The following MCTP2 variants were observed in gnomAD, a reference collection of about 807,000 sequenced individuals.
The protein encoded by MCTP2 is multiple C2 and transmembrane domain containing 2, also known as multiple C2 and transmembrane domain-containing protein 2.
MCTP2 carries 132 observed loss-of-function variants against 111.6 expected under a neutral mutation model. The observed-to-expected ratio is 1.18, with a 90% CI of 1.03 to 1.37. The LOEUF (loss-of-function observed/expected upper bound fraction) is 1.37, where lower values mean the gene tolerates loss of function less well. Ranked by LOEUF, MCTP2 falls within the 40% of genes most tolerant of loss-of-function variation. The pLI, the probability that MCTP2 is intolerant of heterozygous loss-of-function variation, is 0.00. For synonymous variants in MCTP2, 395 were observed against 387.7 expected (o/e 1.02, Z -0.22); for missense variants, 1,183 against 1,067.9 (o/e 1.11, Z -1.50).
At chr15:94,302,911 C>T (rs970725259) in intron 2 of MCTP2, among the ~76,000 whole-genome samples, 1 of 151,762 alleles carries the variant, frequency 6.6e-6, no homozygotes, top group African/African-American at 2.4e-5. Context: ...GGACGACTTA[C>T]AGTTCCACAT....
intron 1 of MCTP2, among the ~76,000 whole-genome samples, chr15:94,296,698 C>T (rs754116430): frequency 3.9e-5 from 6 of 152,222 alleles, no homozygotes; most frequent in African/African-American, 7.2e-5. Flanking sequence ...TAGGTAATCT[C>T]GTCCCCACTG....
rs150591336 is a variant in MCTP2 at position 94,370,203 on chromosome 15, A to G, written c.1582+23A>G. 1,198 of 1,565,390 alleles carry G rather than the reference A, an allele frequency of 7.7e-4. 20 individuals are homozygous for G. The East Asian group carries it at 0.019, about 24-fold the overall frequency. The stretch of plus-strand genomic sequence containing the variant: ...CAGGTACAGGACATTTTCATTTTCT[A>G]ATTTATCTTTATTTATTTCCTGCTT... On this transcript the variant is annotated intron_variant, in intron 12 of 22. Transcript: ENST00000357742.
intron 17 of MCTP2, among the ~76,000 whole-genome samples, chr15:94,420,669 A>G (rs1567671830): frequency 6.6e-6 from 1 of 152,224 alleles, no homozygotes; most frequent in East Asian, 1.9e-4. Flanking sequence ...AATTGCTATA[A>G]TCTCATGATG....
chr15:94,349,586 T>C (rs1250039226), intron 8 of MCTP2, among the ~76,000 whole-genome samples: 1 of 152,030 alleles, frequency 6.6e-6, no homozygotes, highest in East Asian at 1.9e-4. Flanking sequence ...GACTGGAGGC[T>C]GAGGCGGGCG....
At chr15:94,447,077 T>C (rs1162690928) in intron 19 of MCTP2, among the ~76,000 whole-genome samples, 7 of 152,216 alleles carry the variant, frequency 4.6e-5, no homozygotes, top group Admixed American at 4.6e-4. Flanking sequence ...TTAATTTCAG[T>C]GTTTAAAATG....
At chr15:94,352,218 G>A (rs1013344801) in intron 8 of MCTP2, among the ~76,000 whole-genome samples, 3 of 152,166 alleles carry the variant, frequency 2.0e-5, no homozygotes, top group Non-Finnish European at 4.4e-5. Flanking sequence ...TATAATTTTA[G>A]TCCCACCGCA....
chr15:94,379,733 AATATAATATATGATATATAATAT>A (rs1567573138), intron 12 of MCTP2, among the ~76,000 whole-genome samples: 3 of 142,600 alleles, frequency 2.1e-5, no homozygotes, highest in East Asian at 1.9e-4. Flanking sequence ...TATAATGTGT[AATATAATATATGATATATAATAT>A]ATATAATATA....
intron 17 of MCTP2, among the ~76,000 whole-genome samples, chr15:94,434,869 C>CTT (rs370255459): frequency 3.5e-4 from 47 of 134,174 alleles, no homozygotes; most frequent in African/African-American, 1.1e-3. Context: ...TTTTTTTTTT[C>CTT]TTTTTTTTTT....
At chr15:94,335,616 T>C (rs10163200) in intron 4 of MCTP2, among the ~76,000 whole-genome samples, 67,972 of 152,038 alleles carry the variant, frequency 0.45, 15,417 homozygotes, top group Admixed American at 0.52. Context: ...TAATCACTTA[T>C]GGACTCCAAA....
rs555596511 is a variant in MCTP2, at chr15:94,319,290, C to G, written c.637+3653C>G. Among the ~76,000 whole-genome samples, 4 of 152,284 alleles carry G rather than the reference C, an allele frequency of 2.6e-5. No individual in the cohort carries two copies. The South Asian group carries it at 8.3e-4, about 32-fold the overall frequency. On this transcript the variant is annotated intron_variant, in intron 4 of 22. Coordinates refer to ENST00000357742, the MANE Select transcript of MCTP2 (RefSeq NM_001385001.1). ...TCCTCATTACTAATACATGTGCTCC[C>G]TCACTCCTGCCTCCTTTGCCTAGGT...
rs148623938 is a variant in MCTP2 at position 94,294,996 on chromosome 15, C to T, written c.-65-3205C>T. ...AGACAGTCTTACTCCATCACCCAGG[C>T]TGGAGTGCAGTGGCGCAATCTCAGC... On this transcript the variant is annotated intron_variant, in intron 1 of 22. Coordinates refer to ENST00000357742, the MANE Select transcript of MCTP2 (RefSeq NM_001385001.1). 5.9e-3 allele frequency among the ~76,000 whole-genome samples: 692 copies of T among 116,836 alleles called. 6 individuals carry two copies. The highest frequency in any genetic ancestry group is 0.022 in the African/African-American group (660 of 30,140). 76.6% of individuals were successfully genotyped at this position (116,836 alleles called of 152,430 possible). A position where few individuals can be genotyped will look rare whatever the true frequency, so the allele number is the denominator to read the frequency against.
chr15:94,402,933 G>T, intron 17 of MCTP2: 1 of 1,050,942 alleles, frequency 9.5e-7, no homozygotes. Context: ...GTTTTCTACT[G>T]CCAATATATG....
At position 94,399,061 on chromosome 15, in the gene MCTP2, C is replaced by T. The variant is rs528835766; in HGVS notation, c.1889C>T (p.Pro630Leu). The T allele has an allele frequency of 1.4e-5, 21 of 1,458,258 alleles. No homozygotes were observed. The highest frequency in any genetic ancestry group is 8.4e-5 in the Admixed American group (5 of 59,332). 90.3% of individuals were successfully genotyped at this position (1,458,258 alleles called of 1,614,324 possible). The change falls in exon 15 of 23, where the codon CCG (proline) becomes CTG (leucine). Residue 630 changes from proline (P) to leucine (L), a missense_variant and splice_region_variant. By Grantham distance (98) the Pro-to-Leu change is moderately conservative (BLOSUM62 -3). Transcript: ENST00000357742. ...TTAGAGATGGACCTTATATATAATC[C>T]GGTAAGTCTAGCTGGGTCATACTTC... is the stretch of plus-strand genomic sequence containing the variant. ...IYLEMDLIYN[P>L]VKASIRTFTP...
chr15:94,235,659 C>T (rs529106406), intron 1 of MCTP2, among the ~76,000 whole-genome samples: 19 of 152,296 alleles, frequency 1.2e-4, no homozygotes, highest in African/African-American at 4.1e-4. Flanking sequence ...TCTTAATCTT[C>T]GGTACAAACC....
At chr15:94,305,191 G>A (rs1417768241) in intron 2 of MCTP2, among the ~76,000 whole-genome samples, 2 of 152,166 alleles carry the variant, frequency 1.3e-5, no homozygotes, top group African/African-American at 4.8e-5. Context: ...AATGGAACTG[G>A]TGTCCTTATA....
At chr15:94,332,703 GACA>G (rs1455690533) in intron 4 of MCTP2, among the ~76,000 whole-genome samples, 4 of 150,066 alleles carry the variant, frequency 2.7e-5, no homozygotes, top group Admixed American at 6.6e-5. Flanking sequence ...TCAAGCTAAA[GACA>G]ACATTTCTTT....
chr15:94,243,398 C>T lies in MCTP2; in HGVS notation c.-66+11734C>T, dbSNP rs1370119966. On this transcript the variant is annotated intron_variant, in intron 1 of 22. Coordinates refer to ENST00000357742, the MANE Select transcript of MCTP2 (RefSeq NM_001385001.1). ...GTACATACATACGTATGCGTATATGCGTATGTACATACATACGTATGCGTA... is the reference window on the plus strand; with the variant it reads ...GTACATACATACGTATGCGTATATGTGTATGTACATACATACGTATGCGTA... 2.4e-4 allele frequency among the ~76,000 whole-genome samples: 34 copies of T among 143,000 alleles called. 2 individuals carry two copies. Among genetic ancestry groups the T allele is most frequent in the African/African-American group, 7.5e-4 (28 of 37,516 alleles). The allele number at this position is 143,000 out of a possible 152,430, so 93.8% of individuals were successfully genotyped here. A position where few individuals can be genotyped will look rare whatever the true frequency, so the allele number is the denominator to read the frequency against.
chr15:94,432,701 A>T, intron 17 of MCTP2, among the ~76,000 whole-genome samples: 1 of 152,184 alleles, frequency 6.6e-6, no homozygotes. Flanking sequence ...CTATAATCAT[A>T]CTTTGCTTTG....
intron 8 of MCTP2, among the ~76,000 whole-genome samples, chr15:94,345,526 G>A (rs1447472805): frequency 1.3e-5 from 2 of 152,068 alleles, no homozygotes; most frequent in Non-Finnish European, 2.9e-5. Context: ...GCAATGTAAG[G>A]GTTGAAAGAA....
Sources: gnomAD v4.1 joint callset for allele counts (sites outside exome capture counted in the v4.1 genomes callset) on GRCh38, gnomAD v4.1.1 for gene constraint, MANE v1.5 for transcripts, NCBI Gene and HGNC (gene_info 2026-07-23, HGNC 2026-07-21) for gene names.